EIF4E3: variants seen among roughly 807,000 people sequenced by gnomAD.
The protein encoded by EIF4E3 is eukaryotic translation initiation factor 4E family member 3, also known as eukaryotic translation initiation factor 4E type 3.
A neutral mutation model predicts 31.7 loss-of-function variants in EIF4E3; 26 were observed. The observed-to-expected ratio is 0.82, with a 90% CI of 0.60 to 1.14. The LOEUF (loss-of-function observed/expected upper bound fraction) is 1.14, where lower values mean the gene tolerates loss of function less well. Ranked by LOEUF, EIF4E3 falls within the 50% of genes most tolerant of loss-of-function variation. EIF4E3 has a pLI of 0.00. For missense variants in EIF4E3, 304 were observed against 270.9 expected (o/e 1.12, Z -0.86); for synonymous variants, 128 against 107.7 (o/e 1.19, Z -1.17).
upstream of EIF4E3, chr3:71,754,628 G>A (rs1373297679): frequency 1.4e-6 from 2 of 1,470,368 alleles, no homozygotes; most frequent in African/African-American, 2.9e-5. The surrounding 1 kb of genome is among the most constrained non-coding windows in gnomAD (Gnocchi z 5.8). Context: ...TGGCCGTGGT[G>A]GTGGGCGCCA....
chr3:71,690,094 C>A lies in EIF4E3; in HGVS notation c.544G>T (p.Ala182Ser). The stretch of plus-strand genomic sequence containing the variant: ...ACAGTCGCTTCACCCACTAAAGAGG[C>A]ATTTACATTCCAGACTTGGACGACG... ...EDVVQVWNVN[A>S]SLVGEATVLE... The change falls in exon 6 of 7, where the codon GCC becomes TCC. Residue 182 changes from alanine to serine, a missense_variant. Coordinates refer to ENST00000425534, the MANE Select transcript of EIF4E3 (RefSeq NM_001134651.2). 6.2e-7 allele frequency: 1 copy of A among 1,613,736 alleles called. No individual in the cohort carries two copies. Among genetic ancestry groups the A allele is most frequent in the Non-Finnish European group, 8.5e-7 (1 of 1,179,942 alleles).
intron 1 of EIF4E3, among the ~76,000 whole-genome samples, chr3:71,751,236 TAAATA>T (rs1013500310): frequency 2.6e-5 from 4 of 151,988 alleles, no homozygotes; most frequent in African/African-American, 9.7e-5. Flanking sequence ...TGTTTCAAAA[TAAATA>T]AAGTCAGACT....
chr3:71,689,434 CA>C (rs1256707809), intron 6 of EIF4E3, among the ~76,000 whole-genome samples: 3 of 152,136 alleles, frequency 2.0e-5, no homozygotes, highest in Non-Finnish European at 4.4e-5. Context: ...GAAAATGAAT[CA>C]TGATGGAAAA....
chr3:71,660,252 T>A, the EIF4E3 span, among the ~76,000 whole-genome samples: 1 of 151,758 alleles, frequency 6.6e-6, no homozygotes, highest in Non-Finnish European at 1.5e-5. Context: ...GGAAAAAAAA[T>A]TCTGTTCTCC....
chr3:71,713,976 C>T (rs561079923), intron 1 of EIF4E3, among the ~76,000 whole-genome samples: 19 of 152,046 alleles, frequency 1.2e-4, no homozygotes, highest in Admixed American at 2.0e-4. Flanking sequence ...TCTGGGAGGC[C>T]GAGGCAGTTG....
rs1578329078 is a variant in EIF4E3 at position 71,684,041 on chromosome 3, A to G, written c.*641T>C. ...TTTCATGTTATGCAATCCAACTATT[A>G]TTTTCCTTTTATCACTAAAAAAAAA... On this transcript the variant is annotated 3_prime_UTR_variant, in exon 7 of 7. Transcript: ENST00000425534. 1 of 152,304 alleles carries G rather than the reference A, an allele frequency of 6.6e-6. No homozygotes were observed. Among genetic ancestry groups the G allele is most frequent in the East Asian group, 1.9e-4 (1 of 5,200 alleles). 9.4% of individuals were successfully genotyped at this position (152,304 alleles called of 1,614,324 possible). A position where few individuals can be genotyped will look rare whatever the true frequency, so the allele number is the denominator to read the frequency against.
upstream of EIF4E3, among the ~76,000 whole-genome samples, chr3:71,726,759 T>G (rs373527242): frequency 2.0e-4 from 30 of 152,314 alleles, no homozygotes; most frequent in South Asian, 6.2e-3. Context: ...GACCGCTGCT[T>G]TAAACTTAAC....
Position 71,684,712 on chromosome 3 carries a change from A to G in EIF4E3, c.645T>C (p.His215=). The G allele has an allele frequency of 6.2e-7, 1 of 1,614,106 alleles. No homozygotes were observed. Among genetic ancestry groups the G allele is most frequent in the Non-Finnish European group, 8.5e-7 (1 of 1,179,986 alleles). ...GTTTTCCACGTCCACCTTCAAAAGCATGATGCTCTTCATGGGCTAAAGGAC... is the reference window on the plus strand; with the variant it reads ...GTTTTCCACGTCCACCTTCAAAAGCGTGATGCTCTTCATGGGCTAAAGGAC... ...AVFYKPHEEH[H]AFEGGRGKH The change falls in exon 7 of 7, where the codon CAT becomes CAC. Residue 215 remains histidine (H), a synonymous_variant. Transcript: ENST00000425534.
At chr3:71,660,110 G>A in the EIF4E3 span, among the ~76,000 whole-genome samples, 1 of 152,178 alleles carries the variant, frequency 6.6e-6, no homozygotes, top group Non-Finnish European at 1.5e-5. Flanking sequence ...TCTGCTCTAG[G>A]GGGCCCAGCC....
intron 1 of EIF4E3, among the ~76,000 whole-genome samples, chr3:71,735,412 C>A (rs2049752698): frequency 1.3e-5 from 2 of 152,040 alleles, no homozygotes; most frequent in Admixed American, 6.6e-5. Flanking sequence ...TAATATAATA[C>A]CTCCATCTAT....
intron 4 of EIF4E3, among the ~76,000 whole-genome samples, chr3:71,695,119 C>T (rs1486441151): frequency 6.6e-6 from 1 of 152,104 alleles, no homozygotes; most frequent in African/African-American, 2.4e-5. Flanking sequence ...AGTCTCCCAC[C>T]TAGGAATCAT....
intron 1 of EIF4E3, among the ~76,000 whole-genome samples, chr3:71,741,721 C>A (rs1248522276): frequency 3.9e-5 from 6 of 152,186 alleles, no homozygotes; most frequent in Non-Finnish European, 5.9e-5. Flanking sequence ...AAAACACATT[C>A]TTTTCAAGGG....
At chr3:71,669,263 C>T in the EIF4E3 span, among the ~76,000 whole-genome samples, 1 of 71,784 alleles carries the variant, frequency 1.4e-5, no homozygotes, top group Non-Finnish European at 2.9e-5. Flanking sequence ...GGGTGGGGGG[C>T]AAGGGGAAGG....
At chr3:71,753,907 G>T, upstream of EIF4E3, 1 of 958,928 alleles carries the variant, frequency 1.0e-6, no homozygotes, top group Non-Finnish European at 1.2e-6. Flanking sequence ...CCCAGGAGGG[G>T]CCGGCCGGGA....
chr3:71,714,959 T>C (rs1045933068), intron 1 of EIF4E3, among the ~76,000 whole-genome samples: 1 of 152,252 alleles, frequency 6.6e-6, no homozygotes, highest in Non-Finnish European at 1.5e-5. Flanking sequence ...CAGTATATTG[T>C]CTTAGCTTTA....
intron 1 of EIF4E3, among the ~76,000 whole-genome samples, chr3:71,735,382 G>A (rs1215208456): frequency 1.3e-5 from 2 of 152,160 alleles, no homozygotes; most frequent in Non-Finnish European, 2.9e-5. Context: ...ATAGTGAAGG[G>A]TGGGAGAATG....
intron 3 of EIF4E3, among the ~76,000 whole-genome samples, 171 bp downstream of exon 3, chr3:71,699,443 T>C (rs1177181229): frequency 6.6e-6 from 1 of 152,172 alleles, no homozygotes; most frequent in African/African-American, 2.4e-5. Flanking sequence ...CATCACTACA[T>C]CAAGCTATTA....
chr3:71,691,481 G>A (rs1216619231), intron 5 of EIF4E3, among the ~76,000 whole-genome samples: 1 of 152,046 alleles, frequency 6.6e-6, no homozygotes. Context: ...CACTAAAAAT[G>A]AGTCCACTTA....
upstream of EIF4E3, among the ~76,000 whole-genome samples, chr3:71,727,164 C>T (rs7616247): frequency 2.0e-5 from 3 of 152,188 alleles, no homozygotes; most frequent in South Asian, 2.1e-4. Flanking sequence ...AAGTCCACAA[C>T]GTAAAAACAA....
Sources: gnomAD v4.1 joint callset for allele counts (sites outside exome capture counted in the v4.1 genomes callset) on GRCh38, gnomAD v4.1.1 for gene constraint, Gnocchi (gnomAD v3.1) non-coding constraint, MANE v1.5 for transcripts, NCBI Gene and HGNC (gene_info 2026-07-23, HGNC 2026-07-21) for gene names.